Variants in GALNT2 observed in about 807,000 individuals in gnomAD.
GALNT2 encodes polypeptide N-acetylgalactosaminyltransferase 2.
A neutral mutation model predicts 81.4 loss-of-function variants in GALNT2; 31 were observed. The ratio of observed to expected loss-of-function variants is 0.38; its 90% CI spans 0.29 to 0.51. The LOEUF is 0.51. GALNT2 is among the 20% of genes least tolerant of loss of function. The pLI, the probability that GALNT2 is intolerant of heterozygous loss-of-function variation, is 0.87. For missense variants in GALNT2, 629 were observed against 765.7 expected (o/e 0.82, Z 2.11); for synonymous variants, 303 against 287.4 (o/e 1.05, Z -0.55).
intron 15 of GALNT2, among the ~76,000 whole-genome samples, chr1:230,278,799 C>G (rs1345080152): frequency 6.6e-6 from 1 of 152,246 alleles, no homozygotes; most frequent in Non-Finnish European, 1.5e-5. Flanking sequence ...CACCGTTCCT[C>G]TGGCTCCCCC....
Position 230,281,827 on chromosome 1 carries a change from T to C in GALNT2, c.*2369T>C, listed in dbSNP as rs1326861158. 1 of 152,576 alleles carries C rather than the reference T, an allele frequency of 6.6e-6. No homozygotes were observed. The highest frequency in any genetic ancestry group is 2.4e-5 in the African/African-American group (1 of 41,424). The allele number at this position is 152,576 out of a possible 1,614,324, so 9.5% of individuals were successfully genotyped here. A position where few individuals can be genotyped will look rare whatever the true frequency, so the allele number is the denominator to read the frequency against. The stretch of plus-strand genomic sequence containing the variant: ...CGTTAGTTTTTAATCATCAGGACTA[T>C]CTCACCCTCCCACTCCTGTTTTTAA... On this transcript the variant is annotated 3_prime_UTR_variant, in exon 16 of 16. Coordinates refer to ENST00000366672, the MANE Select transcript of GALNT2 (RefSeq NM_004481.5).
At position 230,124,667 on chromosome 1, in the gene GALNT2, A is replaced by T. The variant is rs575618176; in HGVS notation, c.127-53551A>T. 4.5e-4 allele frequency among the ~76,000 whole-genome samples: 68 copies of T among 152,304 alleles called. 1 individual carries two copies. The South Asian group carries it at 6.8e-3, about 15-fold the overall frequency. On this transcript the variant is annotated intron_variant, in intron 1 of 15. Coordinates refer to ENST00000366672, the MANE Select transcript of GALNT2 (RefSeq NM_004481.5). ...TCCTGAACAATCTGAAGTTTTGCAGATCCTTGGAGAAATAAAAGCCACAGT... is the reference window on the plus strand; with the variant it reads ...TCCTGAACAATCTGAAGTTTTGCAGTTCCTTGGAGAAATAAAAGCCACAGT...
rs551354089 is a variant in GALNT2, at chr1:230,149,708, A to G, written c.127-28510A>G. On this transcript the variant is annotated intron_variant, in intron 1 of 15. Coordinates refer to ENST00000366672, the MANE Select transcript of GALNT2 (RefSeq NM_004481.5). ...GTTGTTTTATGCCTCAGCCATGTAA[A>G]TATAAACAGATACATTGAATCATTC... Among the ~76,000 whole-genome samples the G allele has an allele frequency of 1.4e-4, 22 of 152,296 alleles. No homozygotes were observed. In the South Asian group the frequency reaches 4.4e-3, roughly 30 times the overall value.
At chr1:230,142,689 C>A (rs761072675) in intron 1 of GALNT2, among the ~76,000 whole-genome samples, 3 of 147,960 alleles carry the variant, frequency 2.0e-5, no homozygotes, top group Non-Finnish European at 4.5e-5. Flanking sequence ...GTGTAACTTT[C>A]CTAAGCTGGT....
At chr1:230,169,320 G>A (rs1046182876) in intron 1 of GALNT2, among the ~76,000 whole-genome samples, 2 of 152,182 alleles carry the variant, frequency 1.3e-5, no homozygotes, top group African/African-American at 4.8e-5. Flanking sequence ...GGATAGAGTG[G>A]TTCTTACATT....
At chr1:230,116,034 C>T (rs900832134) in intron 1 of GALNT2, among the ~76,000 whole-genome samples, 1 of 152,188 alleles carries the variant, frequency 6.6e-6, no homozygotes, top group African/African-American at 2.4e-5. Context: ...AGTCTTGAAC[C>T]CCTCAAAGTC....
At chr1:230,069,229 C>G (rs1385082323) in intron 1 of GALNT2, among the ~76,000 whole-genome samples, 1 of 151,786 alleles carries the variant, frequency 6.6e-6, no homozygotes, top group Non-Finnish European at 1.5e-5. Flanking sequence ...CAGAAGTCTT[C>G]AGACACTCCT....
intron 2 of GALNT2, 100 bp from the exon 3 acceptor site, chr1:230,203,037 C>A (rs1254131597): frequency 1.5e-6 from 2 of 1,301,920 alleles, no homozygotes; most frequent in Non-Finnish European, 2.1e-6. Context: ...TATAAAGAAG[C>A]CATGGATGTG....
chr1:230,132,671 G>A (rs1292920251), intron 1 of GALNT2, among the ~76,000 whole-genome samples: 2 of 152,234 alleles, frequency 1.3e-5, no homozygotes, highest in East Asian at 3.8e-4. Flanking sequence ...TGCATTTCTT[G>A]AAGCAGGTAC....
chr1:230,069,952 G>T (rs1223411973), intron 1 of GALNT2, among the ~76,000 whole-genome samples: 1 of 152,172 alleles, frequency 6.6e-6, no homozygotes, highest in Non-Finnish European at 1.5e-5. Context: ...CGTCTGAGGG[G>T]AGTCCAACTA....
chr1:230,187,918 CCTGGGGTTTTT>C (rs1234401210), intron 2 of GALNT2, among the ~76,000 whole-genome samples: 10 of 150,902 alleles, frequency 6.6e-5, no homozygotes, highest in African/African-American at 1.5e-4. Flanking sequence ...GCTGGTAGGG[CCTGGGGTTTTT>C]ATGGGTACAA....
chr1:230,069,472 A>G (rs1253682173), intron 1 of GALNT2, among the ~76,000 whole-genome samples: 1 of 152,202 alleles, frequency 6.6e-6, no homozygotes, highest in East Asian at 1.9e-4. Context: ...CGGTTGAGGA[A>G]GAGGTGTGTA....
chr1:230,110,125 G>A (rs1660659362), intron 1 of GALNT2, among the ~76,000 whole-genome samples: 1 of 152,232 alleles, frequency 6.6e-6, no homozygotes. Context: ...AGGAGCAGCT[G>A]TGGGGTGAAA....
chr1:230,174,028 T>C (rs1304212738), intron 1 of GALNT2, among the ~76,000 whole-genome samples: 1 of 152,172 alleles, frequency 6.6e-6, no homozygotes, highest in African/African-American at 2.4e-5. Context: ...TGAAATCTTT[T>C]TGGATATCAA....
At chr1:230,182,523 G>T (rs902293681) in intron 2 of GALNT2, among the ~76,000 whole-genome samples, 1 of 152,146 alleles carries the variant, frequency 6.6e-6, no homozygotes, top group African/African-American at 2.4e-5. Context: ...TAGTCTCCAT[G>T]TACTTTGGGA....
chr1:230,198,108 C>T (rs547264775), intron 2 of GALNT2, among the ~76,000 whole-genome samples: 3 of 152,316 alleles, frequency 2.0e-5, no homozygotes, highest in Admixed American at 6.5e-5. Context: ...CCCAGTCACG[C>T]GCAGGATTGG....
chr1:230,077,270 G>T (rs60498942), intron 1 of GALNT2, among the ~76,000 whole-genome samples: 3 of 152,056 alleles, frequency 2.0e-5, no homozygotes, highest in Non-Finnish European at 4.4e-5. Context: ...CTGCCCTGCC[G>T]CACTCTCCTT....
intron 1 of GALNT2, among the ~76,000 whole-genome samples, chr1:230,146,685 T>C (rs770914380): frequency 1.1e-4 from 16 of 152,120 alleles, no homozygotes; most frequent in Non-Finnish European, 1.8e-4. Flanking sequence ...TGAAACGGCA[T>C]TGGGACTAAC....
At chr1:230,174,195 A>G (rs1662884279) in intron 1 of GALNT2, among the ~76,000 whole-genome samples, 1 of 152,184 alleles carries the variant, frequency 6.6e-6, no homozygotes, top group Non-Finnish European at 1.5e-5. Context: ...ACCCACTGCC[A>G]TTGGCAGAGG....
Sources: gnomAD v4.1 joint callset for allele counts (sites outside exome capture counted in the v4.1 genomes callset) on GRCh38, gnomAD v4.1.1 for gene constraint, MANE v1.5 for transcripts, NCBI Gene and HGNC (gene_info 2026-07-23, HGNC 2026-07-21) for gene names.